Variants in SIK3 observed in about 807,000 individuals in gnomAD.
SIK3 encodes the protein SIK family kinase 3.
SIK3 carries 28 observed loss-of-function variants against 144.2 expected under a neutral mutation model. That is an observed-to-expected ratio of 0.19 (90% CI 0.14 to 0.27). SIK3 has a LOEUF of 0.27. Ranked by LOEUF, SIK3 falls within the 10% of genes least tolerant of loss-of-function variation. The pLI is 1.00. For missense variants in SIK3, 1,319 were observed against 1,776.0 expected (o/e 0.74, Z 4.62); for synonymous variants, 686 against 676.3 (o/e 1.01, Z -0.22).
intron 4 of SIK3, among the ~76,000 whole-genome samples, chr11:116,909,900 T>G (rs191006930): frequency 6.6e-5 from 10 of 152,352 alleles, no homozygotes; most frequent in Admixed American, 6.5e-4. Flanking sequence ...CTAAAGTTTT[T>G]GTTGAAAATA....
At chr11:116,864,768 A>T (rs1417642177) in intron 15 of SIK3, 1 of 152,274 alleles carries the variant, frequency 6.6e-6, no homozygotes, top group Non-Finnish European at 1.5e-5. Context: ...ATTACACTGA[A>T]CTTTGGATGA....
Position 116,844,958 on chromosome 11 carries a change from A to G in SIK3, c.*685T>C, listed in dbSNP as rs1038951744. On this transcript the variant is annotated 3_prime_UTR_variant, in exon 25 of 25. Coordinates refer to ENST00000445177, the MANE Select transcript of SIK3 (RefSeq NM_001366686.3). ...TCTCAGCCTCCGTGCCAAACTCTTCATATGATCTTGGCTAGGACAGACATG... is the reference window on the plus strand; with the variant it reads ...TCTCAGCCTCCGTGCCAAACTCTTCGTATGATCTTGGCTAGGACAGACATG... The G allele has an allele frequency of 3.3e-5, 5 of 152,030 alleles. No homozygotes were observed. The highest frequency in any genetic ancestry group is 1.2e-4 in the African/African-American group (5 of 41,402). 9.4% of individuals were successfully genotyped at this position (152,030 alleles called of 1,614,324 possible).
intron 1 of SIK3, among the ~76,000 whole-genome samples, chr11:117,030,240 A>G (rs59647391): frequency 0.056 from 8,599 of 152,314 alleles, 519 homozygotes; most frequent in African/African-American, 0.15. Context: ...GTCGTGACAC[A>G]GTAATTCTAC....
chr11:116,950,854 T>C (rs1948902918), intron 3 of SIK3, among the ~76,000 whole-genome samples: 1 of 152,250 alleles, frequency 6.6e-6, no homozygotes, highest in African/African-American at 2.4e-5. Flanking sequence ...TTACCGAATT[T>C]GCACAGATGT....
intron 6 of SIK3, among the ~76,000 whole-genome samples, chr11:116,889,560 C>T (rs1441450220): frequency 6.6e-6 from 1 of 152,120 alleles, no homozygotes; most frequent in East Asian, 1.9e-4. Flanking sequence ...GAGCAAGACC[C>T]TGTCGCCAAA....
chr11:116,909,364 A>G (rs1244298470), intron 4 of SIK3, among the ~76,000 whole-genome samples: 1 of 152,046 alleles, frequency 6.6e-6, no homozygotes, highest in Non-Finnish European at 1.5e-5. Context: ...TGATTAACAC[A>G]AAAGTACAAA....
chr11:117,007,198 T>C (rs889212070), intron 1 of SIK3, among the ~76,000 whole-genome samples: 3 of 152,226 alleles, frequency 2.0e-5, no homozygotes, highest in African/African-American at 7.2e-5. Context: ...GCCAACACAG[T>C]GAAACCCTGT....
rs116533471 is a variant in SIK3, at chr11:117,057,903, C to A, written c.273+40240G>T. ...TAAGTGCTAAGAACAGTCTCTGCAA[C>A]TCATAAACACTCAAAGGTTGCTGCT... On this transcript the variant is annotated intron_variant, in intron 1 of 24. Transcript: ENST00000445177. Among the ~76,000 whole-genome samples, 201 of 152,296 alleles carry A rather than the reference C, an allele frequency of 1.3e-3. 2 individuals are homozygous for A. The highest frequency in any genetic ancestry group is 4.7e-3 in the African/African-American group (194 of 41,560).
At chr11:117,062,118 A>C (rs902820096) in intron 1 of SIK3, among the ~76,000 whole-genome samples, 1 of 152,006 alleles carries the variant, frequency 6.6e-6, no homozygotes, top group African/African-American at 2.4e-5. Context: ...TGAGGTCAGG[A>C]GTTCAAGACC....
At chr11:116,921,586 C>A (rs1946978185) in intron 4 of SIK3, among the ~76,000 whole-genome samples, 2 of 152,116 alleles carry the variant, frequency 1.3e-5, no homozygotes, top group South Asian at 4.2e-4. Flanking sequence ...TGCCCCAGGT[C>A]TCAAAATCCT....
chr11:116,994,509 C>T (rs1179884893), intron 1 of SIK3, among the ~76,000 whole-genome samples: 1 of 152,176 alleles, frequency 6.6e-6, no homozygotes, highest in African/African-American at 2.4e-5. Context: ...AGGATTATAA[C>T]AATATCAAAC....
intron 13 of SIK3, among the ~76,000 whole-genome samples, chr11:116,870,734 G>A (rs1424242962): frequency 6.6e-6 from 1 of 152,130 alleles, no homozygotes; most frequent in Non-Finnish European, 1.5e-5. Context: ...ATAGAGACAA[G>A]TAAACAATTA....
intron 1 of SIK3, among the ~76,000 whole-genome samples, chr11:117,048,454 C>T (rs927253513): frequency 7.2e-5 from 11 of 151,938 alleles, no homozygotes; most frequent in Admixed American, 3.9e-4. Context: ...GTTGGGAGTT[C>T]GAGACCAGCC....
chr11:116,927,249 G>A lies in SIK3; in HGVS notation c.586C>T (p.Leu196=), dbSNP rs1163558969. Residue 196 remains leucine, a synonymous_variant, in exon 4 of 25, where the codon CTG becomes TTG. Coordinates refer to ENST00000445177, the MANE Select transcript of SIK3 (RefSeq NM_001366686.3). ...HRDLKAENLL[L]DANLNIKIAD... is the part of the protein sequence containing the mutation. ...ATTTTGATATTCAGATTGGCATCCAGAAGTAAATTTTCAGCTTTTAAATCA... is the reference window on the plus strand; with the variant it reads ...ATTTTGATATTCAGATTGGCATCCAAAAGTAAATTTTCAGCTTTTAAATCA... 1 of 1,613,940 alleles carries A rather than the reference G, an allele frequency of 6.2e-7. No individual in the cohort carries two copies. Among genetic ancestry groups the A allele is most frequent in the African/African-American group, 1.3e-5 (1 of 74,914 alleles).
intron 1 of SIK3, among the ~76,000 whole-genome samples, chr11:117,035,304 T>C (rs1335947710): frequency 1.3e-5 from 2 of 152,200 alleles, no homozygotes; most frequent in Non-Finnish European, 2.9e-5. Context: ...TAATATGTTC[T>C]AAAATATAAT....
chr11:116,865,524 C>T (rs796562226), intron 15 of SIK3, among the ~76,000 whole-genome samples: 26 of 152,324 alleles, frequency 1.7e-4, no homozygotes, highest in African/African-American at 6.3e-4. Context: ...TAGGCTGATA[C>T]TCCCACACTA....
intron 1 of SIK3, among the ~76,000 whole-genome samples, chr11:117,040,816 T>C (rs573309792): frequency 6.6e-6 from 1 of 152,114 alleles, no homozygotes; most frequent in Non-Finnish European, 1.5e-5. Context: ...ATCATCATAT[T>C]TTCTTTTCTT....
rs531762692 is a variant in SIK3 at position 117,036,442 on chromosome 11, A to T, written c.273+61701T>A. ...GAACTTGTGAAGAAAGAAGCCTTAAAATCCAAGGTAGTAATCATCCTGGGA... is the reference window on the plus strand; with the variant it reads ...GAACTTGTGAAGAAAGAAGCCTTAATATCCAAGGTAGTAATCATCCTGGGA... On this transcript the variant is annotated intron_variant, in intron 1 of 24. Transcript: ENST00000445177. Among the ~76,000 whole-genome samples the T allele has an allele frequency of 7.2e-5, 11 of 152,284 alleles. 1 individual carries two copies. In the South Asian group the frequency reaches 2.3e-3, roughly 32 times the overall value.
At chr11:117,050,861 C>T in intron 1 of SIK3, among the ~76,000 whole-genome samples, 1 of 151,978 alleles carries the variant, frequency 6.6e-6, no homozygotes, top group Non-Finnish European at 1.5e-5. Flanking sequence ...CTACACAGCT[C>T]ATTCTAGGAT....
Sources: allele counts gnomAD v4.1 joint callset (sites outside exome capture counted in the v4.1 genomes callset), GRCh38; gene constraint gnomAD v4.1.1; transcripts MANE v1.5; gene names NCBI Gene and HGNC (gene_info 2026-07-23, HGNC 2026-07-21).